The following FRAS1 variants were observed in gnomAD, a reference collection of about 807,000 sequenced individuals.
FRAS1 encodes extracellular matrix organizing protein FRAS1.
A neutral mutation model predicts 435.2 loss-of-function variants in FRAS1; 290 were observed. The ratio of observed to expected loss-of-function variants is 0.67; its 90% CI spans 0.61 to 0.73. FRAS1 has a LOEUF of 0.73. Among genes scored for constraint, FRAS1 ranks in the 30% least tolerant of loss-of-function variants. FRAS1 has a pLI of 0.00. For missense variants in FRAS1, 4,860 were observed against 5,001.5 expected, an observed-to-expected ratio of 0.97 and a Z score of 0.85; for synonymous variants, 1,800 against 1,851.0, an observed-to-expected ratio of 0.97 and a Z score of 0.71.
At chr4:78,486,689 A>G (rs1047781030) in intron 58 of FRAS1, among the ~76,000 whole-genome samples, 1 of 152,160 alleles carries the variant, frequency 6.6e-6, no homozygotes, top group African/African-American at 2.4e-5. Context: ...CCCCTGTGCT[A>G]AATCTCTTCC....
At chr4:78,243,204 A>G (rs1193711438) in intron 3 of FRAS1, among the ~76,000 whole-genome samples, 3 of 152,152 alleles carry the variant, frequency 2.0e-5, no homozygotes, top group Admixed American at 1.3e-4. Flanking sequence ...ATATATATGT[A>G]TATATCTATA....
intron 6 of FRAS1, among the ~76,000 whole-genome samples, chr4:78,261,922 A>G (rs1056761242): frequency 6.6e-6 from 1 of 152,084 alleles, no homozygotes; most frequent in Non-Finnish European, 1.5e-5. Flanking sequence ...TTCCTTTCCT[A>G]CCTATCATTC....
At chr4:78,481,489 G>A (rs773224958) in intron 56 of FRAS1, among the ~76,000 whole-genome samples, 2 of 152,134 alleles carry the variant, frequency 1.3e-5, no homozygotes, top group African/African-American at 2.4e-5. Context: ...CTCTCCTTAA[G>A]TGCATTGTTC....
intron 6 of FRAS1, among the ~76,000 whole-genome samples, chr4:78,258,642 T>G (rs1725913586): frequency 6.8e-6 from 1 of 147,766 alleles, no homozygotes; most frequent in African/African-American, 2.5e-5. Context: ...TTTTTAGATA[T>G]TCTTTAAATT....
chr4:78,454,286 T>C (rs1337292448), intron 47 of FRAS1, among the ~76,000 whole-genome samples: 2 of 152,004 alleles, frequency 1.3e-5, no homozygotes, highest in Non-Finnish European at 2.9e-5. Flanking sequence ...CCAGGGTGGC[T>C]GCAGCAGAGT....
intron 2 of FRAS1, among the ~76,000 whole-genome samples, chr4:78,094,000 T>C (rs2109904297): frequency 6.6e-6 from 1 of 152,050 alleles, no homozygotes. Flanking sequence ...CAAGTCTTGA[T>C]GGCCATTCTT....
intron 20 of FRAS1, among the ~76,000 whole-genome samples, chr4:78,355,844 C>T (rs1213672274): frequency 6.6e-6 from 1 of 152,174 alleles, no homozygotes; most frequent in East Asian, 1.9e-4. Flanking sequence ...GTTGGTCTCT[C>T]TGAGGATGCT....
intron 2 of FRAS1, among the ~76,000 whole-genome samples, chr4:78,100,077 T>A (rs1035702363): frequency 1.3e-5 from 2 of 152,200 alleles, no homozygotes; most frequent in African/African-American, 2.4e-5. Flanking sequence ...TCCATCCTAA[T>A]TTCCAGGTTG....
intron 9 of FRAS1, among the ~76,000 whole-genome samples, chr4:78,268,043 T>G (rs1369773330): frequency 6.6e-6 from 1 of 152,242 alleles, no homozygotes; most frequent in Non-Finnish European, 1.5e-5. Flanking sequence ...TACTGTATGT[T>G]GGAGGGAAAT....
At chr4:78,480,497 C>T (rs536724933) in intron 56 of FRAS1, among the ~76,000 whole-genome samples, 1 of 152,222 alleles carries the variant, frequency 6.6e-6, no homozygotes, top group East Asian at 1.9e-4. Flanking sequence ...AGAGGGAGGG[C>T]CTGGCACTGA....
intron 2 of FRAS1, among the ~76,000 whole-genome samples, chr4:78,116,347 GC>G (rs1743174753): frequency 6.6e-6 from 1 of 152,006 alleles, no homozygotes; most frequent in Admixed American, 6.6e-5. Flanking sequence ...CTATTAGGTT[GC>G]CTTGGTGCAG....
At chr4:78,530,097 T>C (rs936321351) in intron 70 of FRAS1, among the ~76,000 whole-genome samples, 6 of 152,112 alleles carry the variant, frequency 3.9e-5, no homozygotes, top group Admixed American at 6.5e-5. Context: ...GTAGGAAAAT[T>C]CCACAATGTA....
chr4:78,145,839 C>G (rs1196204854), intron 2 of FRAS1, among the ~76,000 whole-genome samples: 1 of 152,026 alleles, frequency 6.6e-6, no homozygotes, highest in East Asian at 1.9e-4. Flanking sequence ...GCGGTTTCCC[C>G]CATTCTGTTC....
intron 29 of FRAS1, among the ~76,000 whole-genome samples, chr4:78,388,244 G>A (rs1358283757): frequency 6.7e-6 from 1 of 149,506 alleles, no homozygotes; most frequent in Non-Finnish European, 1.5e-5. Context: ...AGAATGGCGT[G>A]AACCCAGGAG....
At chr4:78,211,764 A>G (rs942083072) in intron 2 of FRAS1, among the ~76,000 whole-genome samples, 2 of 152,226 alleles carry the variant, frequency 1.3e-5, no homozygotes, top group Non-Finnish European at 2.9e-5. Flanking sequence ...AATCACATTC[A>G]TGGTGTTGTG....
chr4:78,507,484 CT>C lies in FRAS1; in HGVS notation c.9383del (p.Phe3128SerfsTer3). 6.2e-7 allele frequency: 1 copy of C among 1,612,778 alleles called. No homozygotes were observed. Among genetic ancestry groups the C allele is most frequent in the South Asian group, 1.1e-5 (1 of 90,710 alleles). ...LSNEDREWHE[S>X]FSLVLGPDDP... Reference sequence around the variant, plus strand: ...AATGAAGACCGGGAATGGCATGAATCTTTCTCACTAGTCCTTGGCCCAGATG... The same window carrying C: ...AATGAAGACCGGGAATGGCATGAATCTTCTCACTAGTCCTTGGCCCAGATG... On this transcript the variant is annotated frameshift_variant, in exon 62 of 74. Coordinates refer to ENST00000512123, the MANE Select transcript of FRAS1 (RefSeq NM_025074.7). LOFTEE classifies it high-confidence loss of function.
At position 78,146,436 on chromosome 4, in the gene FRAS1, A is replaced by G. The variant is rs542417623; in HGVS notation, c.108+80420A>G. Among the ~76,000 whole-genome samples the G allele has an allele frequency of 7.9e-5, 12 of 152,236 alleles. No homozygotes were observed. In the South Asian group the frequency reaches 2.3e-3, roughly 29 times the overall value. ...ATGCATCTTTTTTGTCTCTTCCTTT[A>G]TATTCCATAACACCTTCCTGCCTCC... On this transcript the variant is annotated intron_variant, in intron 2 of 73. Coordinates refer to ENST00000512123, the MANE Select transcript of FRAS1 (RefSeq NM_025074.7).
At position 78,481,991 on chromosome 4, in the gene FRAS1, C is replaced by T. The variant is rs117803334; in HGVS notation, c.8604+27C>T. 5.6e-4 allele frequency: 891 copies of T among 1,605,354 alleles called. 20 individuals are homozygous for T. The East Asian group carries it at 0.019, about 35-fold the overall frequency. On this transcript the variant is annotated intron_variant, in intron 57 of 73. Transcript: ENST00000512123. ...TGCGTTTACAGCAGTCGAGACTCCA[C>T]AAAGTTGACAGGTCGGTTTGTGAAT...
intron 29 of FRAS1, among the ~76,000 whole-genome samples, chr4:78,395,827 G>T (rs906373768): frequency 1.3e-5 from 2 of 151,928 alleles, no homozygotes; most frequent in African/African-American, 4.8e-5. Flanking sequence ...TGTGTTTTTT[G>T]ATTGGAGAAT....
Sources: allele counts gnomAD v4.1 joint callset (sites outside exome capture counted in the v4.1 genomes callset), GRCh38; gene constraint gnomAD v4.1.1; transcripts MANE v1.5; gene names NCBI Gene and HGNC (gene_info 2026-07-23, HGNC 2026-07-21).